Variants in RHBDD1 observed in about 807,000 individuals in gnomAD.
RHBDD1 encodes rhomboid domain containing 1.
In RHBDD1, 38 loss-of-function variants were observed where a neutral mutation model predicts 36.3. The observed-to-expected ratio is 1.05, with a 90% CI of 0.81 to 1.37. RHBDD1 has a LOEUF of 1.37. Ranked by LOEUF, RHBDD1 falls within the 40% of genes most tolerant of loss-of-function variation. RHBDD1 has a pLI of 0.00. For synonymous variants in RHBDD1, 151 were observed against 136.5 expected (o/e 1.11, Z -0.74); for missense variants, 393 against 377.6 (o/e 1.04, Z -0.34).
the RHBDD1 span, among the ~76,000 whole-genome samples, chr2:226,829,079 G>A: frequency 2.0e-5 from 3 of 151,946 alleles, no homozygotes; most frequent in Non-Finnish European, 2.9e-5. Flanking sequence ...GCATTGTGTG[G>A]GCCCAAGTTC....
rs183792115 is a variant in RHBDD1, at chr2:226,884,837, G to A, written c.566+17519G>A. On this transcript the variant is annotated intron_variant, in intron 5 of 8. Transcript: ENST00000392062. ...CCAGATCTGAAAAATAACTAACAAT[G>A]TGTGAGGAAAATTTTAATTTCTAAG... Among the ~76,000 whole-genome samples, 314 of 152,216 alleles carry A rather than the reference G, an allele frequency of 2.1e-3. 4 individuals are homozygous for A. Among genetic ancestry groups the A allele is most frequent in the African/African-American group, 7.2e-3 (301 of 41,554 alleles).
At chr2:226,917,538 G>GA (rs539840345) in intron 8 of RHBDD1, among the ~76,000 whole-genome samples, 199 of 152,086 alleles carry the variant, frequency 1.3e-3, no homozygotes, top group Non-Finnish European at 1.8e-3. Flanking sequence ...TGCTTGGTTT[G>GA]AAAAAATCTA....
the RHBDD1 span, among the ~76,000 whole-genome samples, chr2:226,816,662 A>T: frequency 5.2e-3 from 799 of 152,312 alleles, 6 homozygotes; most frequent in Non-Finnish European, 8.6e-3. Context: ...TTGGCGGGCC[A>T]AGGTGGGTGG....
At chr2:226,947,085 G>A (rs2149193792) in intron 8 of RHBDD1, among the ~76,000 whole-genome samples, 1 of 152,170 alleles carries the variant, frequency 6.6e-6, no homozygotes, top group East Asian at 1.9e-4. Flanking sequence ...TTCTTTTGCT[G>A]TGCAGAAGCT....
intron 8 of RHBDD1, chr2:226,988,847 T>A: frequency 3.3e-6 from 1 of 307,088 alleles, no homozygotes; most frequent in Non-Finnish European, 4.8e-6. Flanking sequence ...TAGACCTATC[T>A]ATTGCCAAAC....
chr2:226,827,309 C>A, the RHBDD1 span, among the ~76,000 whole-genome samples: 1 of 152,184 alleles, frequency 6.6e-6, no homozygotes. Context: ...CCATATTTTA[C>A]ACCCATAATC....
chr2:226,839,931 T>C (rs1941423937), intron 3 of RHBDD1, among the ~76,000 whole-genome samples: 1 of 152,192 alleles, frequency 6.6e-6, no homozygotes, highest in South Asian at 2.1e-4. Context: ...GTGTATTACT[T>C]GTGTTTATAG....
intron 1 of RHBDD1, among the ~76,000 whole-genome samples, chr2:226,836,373 C>T (rs756842280): frequency 3.9e-5 from 6 of 152,242 alleles, no homozygotes; most frequent in Admixed American, 3.3e-4. Context: ...CGTGCCCACA[C>T]TCGGAGGAAG....
At chr2:226,904,158 C>T (rs769312561) in intron 5 of RHBDD1, among the ~76,000 whole-genome samples, 1 of 152,172 alleles carries the variant, frequency 6.6e-6, no homozygotes, top group Non-Finnish European at 1.5e-5. Flanking sequence ...TGTGGAAAGG[C>T]AGAGGGTTCA....
chr2:226,943,890 A>G lies in RHBDD1; in HGVS notation c.856+29539A>G, dbSNP rs17416929. Among the ~76,000 whole-genome samples, 802 of 152,290 alleles carry G rather than the reference A, an allele frequency of 5.3e-3. 3 individuals are homozygous for G. The highest frequency in any genetic ancestry group is 8.9e-3 in the Non-Finnish European group (608 of 68,008). On this transcript the variant is annotated intron_variant, in intron 8 of 8. Transcript: ENST00000392062. ...TCATTGTTATTTTAAAGTTTTATGT[A>G]TTACAAAACCACATAAACAGTGCTT...
intron 5 of RHBDD1, among the ~76,000 whole-genome samples, chr2:226,898,814 G>T (rs1053254987): frequency 1.4e-4 from 21 of 152,124 alleles, no homozygotes; most frequent in African/African-American, 4.8e-4. Context: ...GCCCCTACCT[G>T]CTATTAACTG....
intron 8 of RHBDD1, among the ~76,000 whole-genome samples, chr2:226,956,176 C>A (rs140278746): frequency 6.6e-6 from 1 of 152,064 alleles, no homozygotes; most frequent in South Asian, 2.1e-4. Context: ...CTTGGTGTCC[C>A]CTCTGGGAGT....
At chr2:226,858,410 AT>A (rs1390138199) in intron 3 of RHBDD1, among the ~76,000 whole-genome samples, 1 of 152,186 alleles carries the variant, frequency 6.6e-6, no homozygotes, top group Admixed American at 6.5e-5. Context: ...TCAGAACAGC[AT>A]TTGATTACTC....
chr2:226,992,653 C>A (rs1220460580), intron 8 of RHBDD1, among the ~76,000 whole-genome samples: 1 of 152,188 alleles, frequency 6.6e-6, no homozygotes, highest in Non-Finnish European at 1.5e-5. Flanking sequence ...AGAACTTAGA[C>A]TGGAACTTCT....
intron 5 of RHBDD1, among the ~76,000 whole-genome samples, chr2:226,870,940 C>G (rs1445528092): frequency 6.6e-6 from 1 of 152,114 alleles, no homozygotes; most frequent in Non-Finnish European, 1.5e-5. Context: ...AGAAGATCCT[C>G]ATGTAAGTGG....
chr2:226,835,236 TAAATA>T (rs1181833628), upstream of RHBDD1, among the ~76,000 whole-genome samples: 2 of 152,172 alleles, frequency 1.3e-5, no homozygotes, highest in African/African-American at 4.8e-5. Flanking sequence ...CATATCCTAT[TAAATA>T]TATATAGCAT....
chr2:226,808,255 G>T, the RHBDD1 span: 1 of 152,142 alleles, frequency 6.6e-6, no homozygotes, highest in South Asian at 2.1e-4. Flanking sequence ...ATGACTCCAA[G>T]GTTTTTTTTA....
chr2:226,907,114 A>G, intron 6 of RHBDD1: 1 of 590,156 alleles, frequency 1.7e-6, no homozygotes, highest in East Asian at 2.9e-5. Context: ...GACAAATATC[A>G]GTATATATTT....
chr2:226,871,499 G>T (rs926101299), intron 5 of RHBDD1, among the ~76,000 whole-genome samples: 5 of 152,210 alleles, frequency 3.3e-5, no homozygotes, highest in South Asian at 2.1e-4. Context: ...GGCCAAAGGA[G>T]AACCAGGATC....
Sources: gnomAD v4.1 joint callset for allele counts (sites outside exome capture counted in the v4.1 genomes callset) on GRCh38, gnomAD v4.1.1 for gene constraint, MANE v1.5 for transcripts, NCBI Gene and HGNC (gene_info 2026-07-23, HGNC 2026-07-21) for gene names.